Variants in ITPR1 observed in about 807,000 individuals in gnomAD.
ITPR1 encodes the protein inositol 1,4,5-trisphosphate receptor type 1.
In ITPR1, 96 loss-of-function variants were observed where a neutral mutation model predicts 318.4. The observed-to-expected ratio is 0.30, with a 90% confidence interval of 0.26 to 0.36. The LOEUF (loss-of-function observed/expected upper bound fraction) is 0.36, where lower values mean the gene tolerates loss of function less well. ITPR1 is among the 10% of genes least tolerant of loss of function. ITPR1 has a pLI of 1.00. For synonymous variants in ITPR1, 1,312 were observed against 1,289.9 expected (o/e 1.02, Z -0.37); for missense variants, 2,440 against 3,460.2 (o/e 0.71, Z 7.40).
chr3:4,824,433 C>T (rs550311493), intron 60 of ITPR1, among the ~76,000 whole-genome samples: 1 of 152,288 alleles, frequency 6.6e-6, no homozygotes, highest in East Asian at 1.9e-4. Context: ...AGACTGAAAT[C>T]CAGAGCTGCT....
chr3:4,677,961 C>G (rs182422709), intron 24 of ITPR1, among the ~76,000 whole-genome samples: 6 of 152,102 alleles, frequency 3.9e-5, no homozygotes, highest in South Asian at 4.2e-4. Context: ...CTTTCTGTGC[C>G]GTGTAGGTAA....
chr3:4,621,052 C>A (rs2092610829), intron 4 of ITPR1, among the ~76,000 whole-genome samples: 1 of 151,972 alleles, frequency 6.6e-6, no homozygotes, highest in African/African-American at 2.4e-5. Flanking sequence ...TAAGCAGAGC[C>A]AAAATTAAAA....
At chr3:4,570,065 C>T (rs2087819718) in intron 4 of ITPR1, among the ~76,000 whole-genome samples, 1 of 152,072 alleles carries the variant, frequency 6.6e-6, no homozygotes, top group Non-Finnish European at 1.5e-5. Flanking sequence ...CGTATTTTTA[C>T]ACTCATACTT....
chr3:4,710,354 C>G lies in ITPR1; in HGVS notation c.4872C>G (p.Leu1624=), dbSNP rs2041262916. 2 of 1,570,124 alleles carry G rather than the reference C, an allele frequency of 1.3e-6. No individual in the cohort carries two copies. Among genetic ancestry groups the G allele is most frequent in the East Asian group, 2.3e-5 (1 of 42,640 alleles). The change falls in exon 38 of 62, where the codon CTC becomes CTG. Residue 1624 remains leucine (L), a synonymous_variant. Coordinates refer to ENST00000649015, the MANE Select transcript of ITPR1 (RefSeq NM_001378452.1). The surrounding 1 kb of genome is among the most constrained non-coding windows in gnomAD (Gnocchi z 4.2). ...TCGTCTCCGCGCTGGAGGACCGTCT[C>G]AGGCCCCTGGTGCAGGCAGAGTTAT... ...QDIVSALEDR[L]RPLVQAELSV...
intron 4 of ITPR1, among the ~76,000 whole-genome samples, chr3:4,540,374 A>G (rs1041668469): frequency 1.3e-5 from 2 of 152,172 alleles, no homozygotes; most frequent in Admixed American, 6.5e-5. Flanking sequence ...CTCTGTCATT[A>G]TATTTTAGAG....
At chr3:4,595,514 G>A (rs1255743721) in intron 4 of ITPR1, among the ~76,000 whole-genome samples, 2 of 152,242 alleles carry the variant, frequency 1.3e-5, no homozygotes, top group African/African-American at 4.8e-5. Context: ...AATTCCACAT[G>A]AGATTTGGGT....
At chr3:4,628,563 G>A (rs1168067924) in intron 5 of ITPR1, among the ~76,000 whole-genome samples, 2 of 152,156 alleles carry the variant, frequency 1.3e-5, no homozygotes, top group African/African-American at 4.8e-5. Context: ...GAGACATGAC[G>A]TATAGCCAGT....
chr3:4,694,711 G>A (rs773881400), intron 33 of ITPR1, among the ~76,000 whole-genome samples: 34 of 152,152 alleles, frequency 2.2e-4, no homozygotes, highest in Non-Finnish European at 4.7e-4. Context: ...ACATGGAAAA[G>A]GTCCAGTAAA....
chr3:4,825,961 A>G, intron 60 of ITPR1: 1 of 363,936 alleles, frequency 2.7e-6, no homozygotes, highest in Non-Finnish European at 5.4e-6. Context: ...AAATTCACAC[A>G]GCCATCATGG....
chr3:4,706,113 T>C (rs1574946030), intron 36 of ITPR1, 54 bp from the exon 37 acceptor site: 1 of 1,597,120 alleles, frequency 6.3e-7, no homozygotes, highest in East Asian at 2.2e-5. Context: ...CGTCCATCTG[T>C]AGGGTGTCCC....
rs77448192 is a variant in ITPR1 at position 4,725,529 on chromosome 3, G to A, written c.5137-17G>A. On this transcript the variant is annotated splice_polypyrimidine_tract_variant and intron_variant, in intron 40 of 61. Transcript: ENST00000649015. ...GCAAGTGCCATGACTAACGTACTTC[G>A]TTTTACTCCCAATTAGCTTCCTCCA... The A allele has an allele frequency of 2.5e-5, 40 of 1,597,626 alleles. No homozygotes were observed. In the African/African-American group the frequency reaches 2.5e-4, roughly 10 times the overall value.
At chr3:4,714,320 G>T (rs987317778) in intron 39 of ITPR1, among the ~76,000 whole-genome samples, 6 of 152,152 alleles carry the variant, frequency 3.9e-5, no homozygotes, top group African/African-American at 1.4e-4. Flanking sequence ...GAGTGTGGAG[G>T]CCGTTTCCCT....
chr3:4,694,056 C>A (rs927050270), intron 33 of ITPR1, among the ~76,000 whole-genome samples: 1 of 151,932 alleles, frequency 6.6e-6, no homozygotes, highest in African/African-American at 2.4e-5. Context: ...AGAAATGTGA[C>A]GAAGAGTAGG....
At chr3:4,741,044 C>T (rs2043665270) in intron 44 of ITPR1, among the ~76,000 whole-genome samples, 1 of 152,138 alleles carries the variant, frequency 6.6e-6, no homozygotes, top group Non-Finnish European at 1.5e-5. Flanking sequence ...CTTTCATATC[C>T]GTCCTTCGAG....
chr3:4,740,887 C>G (rs1318574778), intron 44 of ITPR1, among the ~76,000 whole-genome samples: 1 of 152,234 alleles, frequency 6.6e-6, no homozygotes, highest in Non-Finnish European at 1.5e-5. Flanking sequence ...TCTTTCTCCC[C>G]ACTCTGGTGC....
intron 4 of ITPR1, among the ~76,000 whole-genome samples, chr3:4,594,793 G>A (rs1442474900): frequency 7.2e-5 from 11 of 152,084 alleles, no homozygotes; most frequent in Admixed American, 2.6e-4. Context: ...ATCTGGGCCC[G>A]TTGTCATCTC....
intron 4 of ITPR1, among the ~76,000 whole-genome samples, chr3:4,548,700 G>A (rs967770661): frequency 6.6e-6 from 1 of 152,022 alleles, no homozygotes; most frequent in Non-Finnish European, 1.5e-5. Flanking sequence ...TTCATTTGGG[G>A]GCTAAATTTG....
chr3:4,578,585 G>C (rs1039427579), intron 4 of ITPR1, among the ~76,000 whole-genome samples: 12 of 152,106 alleles, frequency 7.9e-5, no homozygotes, highest in African/African-American at 2.4e-4. Flanking sequence ...TGCTTAGCCT[G>C]ACCAGCTGGT....
At chr3:4,656,316 G>A (rs1439266438) in intron 12 of ITPR1, among the ~76,000 whole-genome samples, 2 of 152,238 alleles carry the variant, frequency 1.3e-5, no homozygotes, top group Non-Finnish European at 2.9e-5. Context: ...TGAGTCCTGT[G>A]TCTCAAACCA....
Sources: gnomAD v4.1 joint callset for allele counts (sites outside exome capture counted in the v4.1 genomes callset) on GRCh38, gnomAD v4.1.1 for gene constraint, Gnocchi (gnomAD v3.1) non-coding constraint, MANE v1.5 for transcripts, NCBI Gene and HGNC (gene_info 2026-07-23, HGNC 2026-07-21) for gene names.